Variants in DPP6 observed in about 807,000 individuals in gnomAD.
DPP6 encodes dipeptidyl peptidase like 6.
A neutral mutation model predicts 122.6 loss-of-function variants in DPP6; 69 were observed. The ratio of observed to expected loss-of-function variants is 0.56; its 90% confidence interval spans 0.46 to 0.69. The LOEUF is 0.69. DPP6 is among the 30% of genes least tolerant of loss of function. The pLI, the probability that DPP6 is intolerant of heterozygous loss-of-function variation, is 0.00. For synonymous variants in DPP6, 418 were observed against 433.1 expected, an observed-to-expected ratio of 0.97 and a Z score of 0.43; for missense variants, 928 against 1,116.9, an observed-to-expected ratio of 0.83 and a Z score of 2.41.
At chr7:154,713,143 A>C (rs1252422906) in intron 7 of DPP6, among the ~76,000 whole-genome samples, 1 of 152,212 alleles carries the variant, frequency 6.6e-6, no homozygotes, top group African/African-American at 2.4e-5. Flanking sequence ...AAGTTCCAAA[A>C]ATGTGTTTCA....
At chr7:154,567,944 T>A (rs778112055) in intron 5 of DPP6, among the ~76,000 whole-genome samples, 1 of 152,256 alleles carries the variant, frequency 6.6e-6, no homozygotes, top group Non-Finnish European at 1.5e-5. Context: ...AGATTTCAAC[T>A]TTATTCTTCC....
chr7:154,169,189 C>G (rs1797409986), intron 1 of DPP6, among the ~76,000 whole-genome samples: 1 of 152,196 alleles, frequency 6.6e-6, no homozygotes, highest in African/African-American at 2.4e-5. Context: ...GAAGCTTCCT[C>G]TCTTCCAGCT....
At chr7:153,918,565 AGTCTCTCTCT>A (rs1240613948) in intron 1 of DPP6, among the ~76,000 whole-genome samples, 1,489 of 57,214 alleles carry the variant, frequency 0.026, 10 homozygotes, top group East Asian at 0.039. Context: ...ACACACACAC[AGTCTCTCTCT>A]CTCTCTCTCT....
the DPP6 span, among the ~76,000 whole-genome samples, chr7:153,756,878 A>G: frequency 1.7e-4 from 26 of 152,210 alleles, no homozygotes; most frequent in African/African-American, 6.3e-4. Flanking sequence ...AGTAAAATAC[A>G]TAAAATGAAT....
intron 1 of DPP6, among the ~76,000 whole-genome samples, chr7:154,080,799 A>T (rs2150528257): frequency 6.6e-6 from 1 of 152,288 alleles, no homozygotes; most frequent in Middle Eastern, 3.4e-3. Flanking sequence ...GGATGAAGCT[A>T]ACTGGCTGGT....
chr7:153,853,062 TAA>T, the DPP6 span, among the ~76,000 whole-genome samples: 3 of 152,140 alleles, frequency 2.0e-5, no homozygotes, highest in Non-Finnish European at 4.4e-5. Context: ...TAATTTTACT[TAA>T]AAGAGATACA....
intron 1 of DPP6, among the ~76,000 whole-genome samples, chr7:154,296,624 G>A (rs1805559761): frequency 6.6e-6 from 1 of 152,176 alleles, no homozygotes; most frequent in South Asian, 2.1e-4. Flanking sequence ...ACGAGTAAGG[G>A]AAGTGCCTTT....
the DPP6 span, among the ~76,000 whole-genome samples, chr7:153,776,282 G>A: frequency 6.6e-6 from 1 of 152,136 alleles, no homozygotes; most frequent in Admixed American, 6.6e-5. Flanking sequence ...CCCCAAGTGT[G>A]GTGGGAGGGA....
chr7:154,559,681 G>A (rs1055902046), intron 4 of DPP6, among the ~76,000 whole-genome samples: 3 of 151,922 alleles, frequency 2.0e-5, no homozygotes, highest in East Asian at 1.9e-4. Flanking sequence ...AGAGGACATT[G>A]GAATGAGATC....
chr7:154,864,429 C>T (rs1803681818), intron 17 of DPP6, among the ~76,000 whole-genome samples: 3 of 152,210 alleles, frequency 2.0e-5, no homozygotes, highest in Admixed American at 1.3e-4. Flanking sequence ...GTGTCCAGAT[C>T]TGATAATAGC....
chr7:154,003,165 C>T (rs907484472), intron 1 of DPP6, among the ~76,000 whole-genome samples: 2 of 152,206 alleles, frequency 1.3e-5, no homozygotes, highest in African/African-American at 4.8e-5. Flanking sequence ...GCTGGTTTTA[C>T]AAGAACTGCT....
intron 1 of DPP6, among the ~76,000 whole-genome samples, chr7:154,313,974 A>G (rs988106406): frequency 1.1e-4 from 16 of 151,854 alleles, no homozygotes; most frequent in Non-Finnish European, 2.4e-4. Context: ...GCAGGTAAGA[A>G]CTATTTTGCC....
At chr7:154,861,374 T>C (rs890853885) in intron 17 of DPP6, among the ~76,000 whole-genome samples, 3 of 152,340 alleles carry the variant, frequency 2.0e-5, no homozygotes, top group East Asian at 1.9e-4. Flanking sequence ...TATTACATAA[T>C]CCTATGATAT....
chr7:154,716,713 G>C (rs1461607365), intron 7 of DPP6, among the ~76,000 whole-genome samples: 1 of 148,320 alleles, frequency 6.7e-6, no homozygotes, highest in Non-Finnish European at 1.5e-5. Flanking sequence ...TCTCCTGAAT[G>C]GTTTTCAAGA....
At chr7:154,533,595 A>G (rs1828013504) in intron 3 of DPP6, among the ~76,000 whole-genome samples, 1 of 152,192 alleles carries the variant, frequency 6.6e-6, no homozygotes, top group African/African-American at 2.4e-5. Context: ...TGAAGCAGAA[A>G]TACTCTCACT....
intron 1 of DPP6, among the ~76,000 whole-genome samples, chr7:154,370,245 A>G (rs564427270): frequency 1.1e-4 from 16 of 152,156 alleles, no homozygotes; most frequent in African/African-American, 3.9e-4. Flanking sequence ...GGCCTCCCAA[A>G]TTGCTAGGAT....
chr7:154,343,659 C>A (rs1810125469), intron 1 of DPP6, among the ~76,000 whole-genome samples: 1 of 152,252 alleles, frequency 6.6e-6, no homozygotes, highest in African/African-American at 2.4e-5. Context: ...CGGCTCACTG[C>A]ACCCTCTGCC....
intron 1 of DPP6, among the ~76,000 whole-genome samples, chr7:154,102,356 A>T (rs1442102645): frequency 1.3e-5 from 2 of 151,864 alleles, no homozygotes; most frequent in African/African-American, 4.8e-5. Flanking sequence ...CGCCCAGCTA[A>T]TTTTTGTATT....
intron 1 of DPP6, among the ~76,000 whole-genome samples, chr7:154,067,907 GTTTTT>G (rs142049299): frequency 7.0e-6 from 1 of 142,456 alleles, no homozygotes; most frequent in African/African-American, 2.9e-5. Context: ...GTTTTTTTTT[GTTTTT>G]TTTTTGTTTG....
Sources: gnomAD v4.1 joint callset for allele counts (sites outside exome capture counted in the v4.1 genomes callset) on GRCh38, gnomAD v4.1.1 for gene constraint, MANE v1.5 for transcripts, NCBI Gene and HGNC (gene_info 2026-07-23, HGNC 2026-07-21) for gene names.